B3GALT1: variants seen among roughly 807,000 people sequenced by gnomAD.
B3GALT1 encodes the protein beta-1,3-galactosyltransferase 1.
Under a neutral mutation model 23.2 loss-of-function variants are expected in B3GALT1, and 10 were observed. That is an observed-to-expected ratio of 0.43 (90% confidence interval 0.27 to 0.73). The LOEUF (loss-of-function observed/expected upper bound fraction) is 0.73, where lower values mean the gene tolerates loss of function less well. Among genes scored for constraint, B3GALT1 ranks in the 30% least tolerant of loss-of-function variants. The pLI is 0.21. For synonymous variants in B3GALT1, 156 were observed against 141.5 expected, an observed-to-expected ratio of 1.10 and a Z score of -0.73; for missense variants, 299 against 405.4, an observed-to-expected ratio of 0.74 and a Z score of 2.25.
At chr2:167,772,260 A>T (rs12616325) in intron 3 of B3GALT1, among the ~76,000 whole-genome samples, 21,724 of 152,170 alleles carry the variant, frequency 0.14, 2,437 homozygotes, top group African/African-American at 0.28. Context: ...ACCTGAAAGG[A>T]AAGTCACAAC....
intron 1 of B3GALT1, among the ~76,000 whole-genome samples, chr2:167,428,400 C>G (rs1343020923): frequency 6.6e-6 from 1 of 152,118 alleles, no homozygotes; most frequent in Non-Finnish European, 1.5e-5. Flanking sequence ...GACAAGATCC[C>G]ATAGCAGCTT....
intron 4 of B3GALT1, among the ~76,000 whole-genome samples, chr2:167,825,664 C>T (rs951709283): frequency 5.3e-5 from 8 of 152,030 alleles, no homozygotes; most frequent in African/African-American, 1.9e-4. Context: ...CTGACCCACC[C>T]AGGGCAGTTG....
chr2:167,857,149 TC>T (rs1448872121), intron 4 of B3GALT1, among the ~76,000 whole-genome samples: 10 of 152,284 alleles, frequency 6.6e-5, no homozygotes, highest in Admixed American at 4.6e-4. Context: ...CCTTAATGTT[TC>T]TTTGATTATG....
intron 4 of B3GALT1, among the ~76,000 whole-genome samples, chr2:167,867,038 T>C (rs576966101): frequency 6.6e-6 from 1 of 152,014 alleles, no homozygotes; most frequent in Non-Finnish European, 1.5e-5. Flanking sequence ...GCCATTCTCC[T>C]GCCTCAGCCT....
chr2:167,817,526 C>T (rs1689018589), intron 3 of B3GALT1, among the ~76,000 whole-genome samples: 2 of 152,148 alleles, frequency 1.3e-5, no homozygotes, highest in South Asian at 2.1e-4. Flanking sequence ...CCAACCCATA[C>T]ACTTACCCAT....
intron 2 of B3GALT1, among the ~76,000 whole-genome samples, chr2:167,645,168 C>T (rs1301052957): frequency 6.6e-6 from 1 of 152,096 alleles, no homozygotes; most frequent in Non-Finnish European, 1.5e-5. Context: ...TGGACTCAGC[C>T]GTCCACCATT....
chr2:167,521,133 A>G (rs1211210099), intron 2 of B3GALT1, among the ~76,000 whole-genome samples: 1 of 152,066 alleles, frequency 6.6e-6, no homozygotes, highest in African/African-American at 2.4e-5. Context: ...AGCATCAGTG[A>G]TTTTGCCATT....
chr2:167,556,152 A>G (rs1435637212), intron 2 of B3GALT1, among the ~76,000 whole-genome samples: 1 of 151,782 alleles, frequency 6.6e-6, no homozygotes, highest in Non-Finnish European at 1.5e-5. Flanking sequence ...CAGGTAATGA[A>G]AGGAAAGATC....
intron 1 of B3GALT1, among the ~76,000 whole-genome samples, chr2:167,482,237 CAA>C (rs1699571364): frequency 6.6e-6 from 1 of 152,116 alleles, no homozygotes; most frequent in Admixed American, 6.6e-5. Flanking sequence ...AATAATATAT[CAA>C]AATCTGAAGA....
chr2:167,385,932 T>C lies in B3GALT1; in HGVS notation c.-511+92598T>C, dbSNP rs535856168. On this transcript the variant is annotated intron_variant, in intron 1 of 4. Coordinates refer to ENST00000392690, the MANE Select transcript of B3GALT1 (RefSeq NM_020981.4). ...AGTAATGATTGAAAGGAGAACTGTTTATAAACTTTCATTTATATTCCTGGG... is the reference window on the plus strand; with the variant it reads ...AGTAATGATTGAAAGGAGAACTGTTCATAAACTTTCATTTATATTCCTGGG... Among the ~76,000 whole-genome samples the C allele has an allele frequency of 5.9e-5, 9 of 152,342 alleles. No homozygotes were observed. The South Asian group carries it at 1.7e-3, about 28-fold the overall frequency.
intron 3 of B3GALT1, among the ~76,000 whole-genome samples, chr2:167,792,069 CT>C (rs1228296445): frequency 1.6e-4 from 24 of 148,120 alleles, no homozygotes; most frequent in East Asian, 6.1e-4. Context: ...AAGTGCAAAT[CT>C]AAAAAAAAAA....
At chr2:167,573,143 G>C (rs1335976958) in intron 2 of B3GALT1, among the ~76,000 whole-genome samples, 1 of 151,632 alleles carries the variant, frequency 6.6e-6, no homozygotes, top group Non-Finnish European at 1.5e-5. Context: ...GTGAGATGAG[G>C]AGTGTCACCA....
intron 1 of B3GALT1, among the ~76,000 whole-genome samples, chr2:167,483,247 C>T (rs1053651725): frequency 2.0e-5 from 3 of 151,214 alleles, no homozygotes; most frequent in African/African-American, 7.3e-5. Context: ...GAGCTGAGAT[C>T]GCGCCATTGC....
intron 2 of B3GALT1, among the ~76,000 whole-genome samples, chr2:167,599,525 A>G (rs2436053): frequency 0.027 from 4,055 of 152,300 alleles, 182 homozygotes; most frequent in African/African-American, 0.092. Context: ...GGCAAAGGAC[A>G]GACAGTTTTT....
chr2:167,545,605 C>T (rs898900609), intron 2 of B3GALT1, among the ~76,000 whole-genome samples: 8 of 152,098 alleles, frequency 5.3e-5, no homozygotes, highest in Non-Finnish European at 1.2e-4. Flanking sequence ...GCCACCTAGT[C>T]CCTCAATGGC....
At chr2:167,822,066 C>T (rs941130479) in intron 4 of B3GALT1, among the ~76,000 whole-genome samples, 4 of 152,280 alleles carry the variant, frequency 2.6e-5, no homozygotes, top group Admixed American at 6.5e-5. Context: ...TATGATCACC[C>T]AGCCAGTGAG....
chr2:167,476,724 C>T (rs1699491934), intron 1 of B3GALT1, among the ~76,000 whole-genome samples: 1 of 152,064 alleles, frequency 6.6e-6, no homozygotes, highest in South Asian at 2.1e-4. Flanking sequence ...GAGATAATGG[C>T]TTCCTTAAAT....
intron 3 of B3GALT1, among the ~76,000 whole-genome samples, chr2:167,782,507 C>T (rs917964969): frequency 1.3e-5 from 2 of 152,190 alleles, no homozygotes; most frequent in African/African-American, 4.8e-5. Flanking sequence ...AAATATTTCA[C>T]ATTTTCACAA....
chr2:167,834,239 AAC>A (rs1042973559), intron 4 of B3GALT1, among the ~76,000 whole-genome samples: 118 of 152,198 alleles, frequency 7.8e-4, no homozygotes, highest in African/African-American at 2.7e-3. Context: ...GGGTACATGT[AAC>A]AGTCTTCTGT....
Sources: gnomAD v4.1 joint callset for allele counts (sites outside exome capture counted in the v4.1 genomes callset) on GRCh38, gnomAD v4.1.1 for gene constraint, MANE v1.5 for transcripts, NCBI Gene and HGNC (gene_info 2026-07-23, HGNC 2026-07-21) for gene names.